Variants in SEMA3E observed in about 807,000 individuals in gnomAD.
The protein encoded by SEMA3E is semaphorin-3E.
SEMA3E carries 49 observed loss-of-function variants against 93.6 expected under a neutral mutation model. The observed-to-expected ratio is 0.52, with a 90% CI of 0.42 to 0.66. The LOEUF is 0.66. Among genes scored for constraint, SEMA3E ranks in the 30% least tolerant of loss-of-function variants. The probability of loss-of-function intolerance (pLI) is 0.00; values close to 1 mark genes in which losing one functional copy is unlikely to be tolerated. For synonymous variants in SEMA3E, 363 were observed against 330.7 expected, an observed-to-expected ratio of 1.10 and a Z score of -1.06; for missense variants, 906 against 964.8, an observed-to-expected ratio of 0.94 and a Z score of 0.81.
At chr7:83,581,593 G>A (rs1328371422) in intron 1 of SEMA3E, among the ~76,000 whole-genome samples, 1 of 151,834 alleles carries the variant, frequency 6.6e-6, no homozygotes, top group East Asian at 1.9e-4. Context: ...ATTGAATTTT[G>A]CACCATGGAA....
At chr7:83,399,949 G>A (rs1584221272) in intron 11 of SEMA3E, 79 bp downstream of exon 11, 2 of 1,140,770 alleles carry the variant, frequency 1.8e-6, no homozygotes, top group Admixed American at 1.7e-5. Context: ...TTGTCGATAG[G>A]TGCTTTTAGA....
chr7:83,631,815 A>G (rs1052386502), intron 1 of SEMA3E, among the ~76,000 whole-genome samples: 5 of 152,216 alleles, frequency 3.3e-5, no homozygotes, highest in Non-Finnish European at 7.3e-5. Context: ...ATAAAATGGC[A>G]TATTTGCCCA....
intron 1 of SEMA3E, among the ~76,000 whole-genome samples, chr7:83,566,434 A>T (rs1307569363): frequency 6.6e-6 from 1 of 152,066 alleles, no homozygotes; most frequent in Non-Finnish European, 1.5e-5. Flanking sequence ...CATATGTGAG[A>T]TTACTATTTC....
At chr7:83,622,432 A>T (rs1261403749) in intron 1 of SEMA3E, among the ~76,000 whole-genome samples, 3 of 152,230 alleles carry the variant, frequency 2.0e-5, no homozygotes, top group African/African-American at 7.2e-5. Context: ...CACTTCCTCA[A>T]AGATTTAGAA....
At chr7:83,549,858 T>A (rs1791724171) in intron 1 of SEMA3E, among the ~76,000 whole-genome samples, 3 of 152,078 alleles carry the variant, frequency 2.0e-5, no homozygotes, top group Non-Finnish European at 4.4e-5. Context: ...TGTGCATTTA[T>A]GGCCGTAACA....
chr7:83,616,073 G>A (rs972139967), intron 1 of SEMA3E, among the ~76,000 whole-genome samples: 4 of 151,968 alleles, frequency 2.6e-5, no homozygotes, highest in African/African-American at 2.4e-5. Flanking sequence ...TAGATAACCC[G>A]TTGGGGTCCC....
At chr7:83,409,113 T>C (rs1223583915) in intron 5 of SEMA3E, among the ~76,000 whole-genome samples, 1 of 152,108 alleles carries the variant, frequency 6.6e-6, no homozygotes, top group Non-Finnish European at 1.5e-5. Context: ...AACAAAATGA[T>C]TGAAGGAAGT....
At chr7:83,490,301 A>G (rs986713663) in intron 1 of SEMA3E, 27 bp from the exon 2 acceptor site, 2 of 1,607,044 alleles carry the variant, frequency 1.2e-6, no homozygotes, top group Admixed American at 3.3e-5. Flanking sequence ...TACATACACT[A>G]AGCACACGAG....
chr7:83,432,579 A>G (rs755910710), intron 4 of SEMA3E, among the ~76,000 whole-genome samples: 212 of 152,192 alleles, frequency 1.4e-3, no homozygotes, highest in Non-Finnish European at 2.2e-3. Context: ...GGTAAGAGTC[A>G]TTGAAATGAA....
intron 1 of SEMA3E, among the ~76,000 whole-genome samples, chr7:83,491,454 T>C (rs1457419186): frequency 3.3e-5 from 5 of 151,976 alleles, no homozygotes; most frequent in Non-Finnish European, 7.4e-5. Flanking sequence ...CCCAAAACTT[T>C]GTGGAGTTAA....
intron 1 of SEMA3E, among the ~76,000 whole-genome samples, chr7:83,503,229 A>T (rs1790631301): frequency 1.3e-5 from 2 of 152,058 alleles, no homozygotes; most frequent in Non-Finnish European, 2.9e-5. Flanking sequence ...GAAAAACCTC[A>T]ATTTTCTACC....
At chr7:83,450,669 T>C (rs2723019) in intron 4 of SEMA3E, among the ~76,000 whole-genome samples, 100,480 of 151,888 alleles carry the variant, frequency 0.66, 35,361 homozygotes, top group East Asian at 1. Context: ...GCTGCTTAAA[T>C]TGATGTGTTC....
At position 83,391,026 on chromosome 7, in the gene SEMA3E, A is replaced by G. The variant is rs573869137; in HGVS notation, c.1667+1529T>C. Among the ~76,000 whole-genome samples, 5 of 152,304 alleles carry G rather than the reference A, an allele frequency of 3.3e-5. No homozygotes were observed. The South Asian group carries it at 1.0e-3, about 32-fold the overall frequency. ...GCTTGTAAACAGTTTTATTGTTGCT[A>G]TGACAATAAAATAATTAATGCTGTT... is the stretch of plus-strand genomic sequence containing the variant. On this transcript the variant is annotated intron_variant, in intron 14 of 16. Coordinates refer to ENST00000643230, the MANE Select transcript of SEMA3E (RefSeq NM_012431.3).
intron 16 of SEMA3E, among the ~76,000 whole-genome samples, chr7:83,380,073 T>C (rs902925169): frequency 6.6e-6 from 1 of 151,856 alleles, no homozygotes; most frequent in Non-Finnish European, 1.5e-5. Flanking sequence ...AGCCAAAAGT[T>C]AACTCAACAA....
rs1794659530 is a variant in SEMA3E at position 83,365,885 on chromosome 7, G to A, written c.*1701C>T. 2 of 152,020 alleles carry A rather than the reference G, an allele frequency of 1.3e-5. No homozygotes were observed. Among genetic ancestry groups the A allele is most frequent in the Non-Finnish European group, 2.9e-5 (2 of 67,972 alleles). 9.4% of individuals were successfully genotyped at this position (152,020 alleles called of 1,614,324 possible). A position where few individuals can be genotyped will look rare whatever the true frequency, so the allele number is the denominator to read the frequency against. Reference sequence around the variant, plus strand: ...ATTGAGCAGGCTTTTACTGAATATAGTTTTTAAAAATACATTTCACTACAT... The same window carrying A: ...ATTGAGCAGGCTTTTACTGAATATAATTTTTAAAAATACATTTCACTACAT... On this transcript the variant is annotated 3_prime_UTR_variant, in exon 17 of 17. Transcript: ENST00000643230.
At chr7:83,528,385 T>C (rs934345612) in intron 1 of SEMA3E, among the ~76,000 whole-genome samples, 3 of 152,150 alleles carry the variant, frequency 2.0e-5, no homozygotes, top group Admixed American at 6.6e-5. Flanking sequence ...AGGAGCTTTG[T>C]TGGAACTGAT....
rs1257792756 is a variant in SEMA3E at position 83,454,272 on chromosome 7, A to AAAAAAAAAAATATAT, written c.456+12209_456+12210insATATATTTTTTTTTT. 2.2e-3 allele frequency among the ~76,000 whole-genome samples: 238 copies of AAAAAAAAAAATATAT among 110,000 alleles called. 2 individuals are homozygous for AAAAAAAAAAATATAT. The highest frequency in any genetic ancestry group is 0.01 in the African/African-American group (234 of 23,002). The allele number at this position is 110,000 out of a possible 152,430, so 72.2% of individuals were successfully genotyped here. A position where few individuals can be genotyped will look rare whatever the true frequency, so the allele number is the denominator to read the frequency against. On this transcript the variant is annotated intron_variant, in intron 4 of 16. Coordinates refer to ENST00000643230, the MANE Select transcript of SEMA3E (RefSeq NM_012431.3). ...GACTCCGACTCAAAAAAAAAAAAAA[A>AAAAAAAAAAATATAT]ATATATATATATATATATATATATA...
intron 11 of SEMA3E, among the ~76,000 whole-genome samples, 171 bp downstream of exon 11, chr7:83,399,857 C>T (rs1788202953): frequency 6.6e-6 from 1 of 152,142 alleles, no homozygotes. Context: ...TAAACTCTTA[C>T]TATTGCAGCC....
intron 1 of SEMA3E, among the ~76,000 whole-genome samples, chr7:83,597,238 CA>C (rs1421678742): frequency 6.6e-6 from 1 of 152,120 alleles, no homozygotes; most frequent in Non-Finnish European, 1.5e-5. Flanking sequence ...AGACAAAGAC[CA>C]AAGACATTTA....
Sources: allele counts gnomAD v4.1 joint callset (sites outside exome capture counted in the v4.1 genomes callset), GRCh38; gene constraint gnomAD v4.1.1; transcripts MANE v1.5; gene names NCBI Gene and HGNC (gene_info 2026-07-23, HGNC 2026-07-21).